STX8: variants seen among roughly 807,000 people sequenced by gnomAD.
STX8 encodes syntaxin 8.
STX8 carries 23 observed loss-of-function variants against 37.5 expected under a neutral mutation model. That is an observed-to-expected ratio of 0.61 (90% CI 0.44 to 0.87). The LOEUF (loss-of-function observed/expected upper bound fraction) is 0.87, where lower values mean the gene tolerates loss of function less well. STX8 is among the 40% of genes least tolerant of loss of function. The pLI, the probability that STX8 is intolerant of heterozygous loss-of-function variation, is 0.00. For missense variants in STX8, 313 were observed against 284.7 expected (o/e 1.10, Z -0.71); for synonymous variants, 115 against 99.1 (o/e 1.16, Z -0.95).
intron 6 of STX8, among the ~76,000 whole-genome samples, chr17:9,445,529 G>GAGGGGGGTGGGGGGGTGGGGA (rs3841595): frequency 7.1e-6 from 1 of 139,882 alleles, no homozygotes; most frequent in African/African-American, 2.6e-5. Context: ...GGGGGTGGGG[G>GAGGGGGGTGGGGGGGTGGGGA]TGAGGGCTCA....
intron 4 of STX8, among the ~76,000 whole-genome samples, chr17:9,525,146 G>A (rs1905511938): frequency 6.6e-6 from 1 of 152,002 alleles, no homozygotes; most frequent in Non-Finnish European, 1.5e-5. Flanking sequence ...CTTTCCCTCT[G>A]TGAGCAGGGC....
intron 7 of STX8, among the ~76,000 whole-genome samples, chr17:9,279,823 C>T (rs55927829): frequency 0.2 from 30,021 of 152,206 alleles, 3,166 homozygotes; most frequent in Middle Eastern, 0.27. Context: ...ATAATGAGAA[C>T]ACCTAACGTG....
At chr17:9,484,397 A>C (rs1567580716) in intron 6 of STX8, among the ~76,000 whole-genome samples, 1 of 151,954 alleles carries the variant, frequency 6.6e-6, no homozygotes, top group Non-Finnish European at 1.5e-5. Context: ...AAAAAAAAAA[A>C]AAAAAGTCAG....
chr17:9,304,076 C>G (rs1001783203), intron 7 of STX8, among the ~76,000 whole-genome samples: 1 of 151,972 alleles, frequency 6.6e-6, no homozygotes, highest in Non-Finnish European at 1.5e-5. Flanking sequence ...TATAAAAAGT[C>G]TCTCAACTTG....
chr17:9,556,786 TATATATATAC>T (rs1230214421), intron 3 of STX8: 667 of 19,698 alleles, frequency 0.034, 16 homozygotes, highest in Middle Eastern at 0.067. Context: ...TATATATATA[TATATATATAC>T]ACATACATAT....
At chr17:9,413,879 G>T (rs564651195) in intron 6 of STX8, among the ~76,000 whole-genome samples, 1 of 120,238 alleles carries the variant, frequency 8.3e-6, no homozygotes, top group East Asian at 2.7e-4. Context: ...TGCATCTATC[G>T]ATCCATCCAT....
intron 6 of STX8, among the ~76,000 whole-genome samples, chr17:9,450,570 G>A (rs549660922): frequency 5.9e-5 from 9 of 151,998 alleles, no homozygotes; most frequent in East Asian, 1.9e-4. Flanking sequence ...TAGTAGCTGC[G>A]AAGCATGCAG....
intron 6 of STX8, among the ~76,000 whole-genome samples, chr17:9,420,594 G>A (rs971939852): frequency 6.6e-6 from 1 of 152,096 alleles, no homozygotes; most frequent in South Asian, 2.1e-4. Flanking sequence ...CAGCCTTCAT[G>A]CTCATGCTTA....
At chr17:9,356,184 C>T (rs765639718) in intron 7 of STX8, among the ~76,000 whole-genome samples, 1 of 152,172 alleles carries the variant, frequency 6.6e-6, no homozygotes, top group African/African-American at 2.4e-5. Flanking sequence ...GTAGAAATAG[C>T]ATCGTTCCTT....
chr17:9,284,895 T>C (rs776769265), intron 7 of STX8, among the ~76,000 whole-genome samples: 8 of 152,192 alleles, frequency 5.3e-5, no homozygotes, highest in Non-Finnish European at 1.0e-4. Flanking sequence ...CTTAGTCTTA[T>C]GTTTTAATTA....
intron 6 of STX8, among the ~76,000 whole-genome samples, chr17:9,415,493 C>T (rs889385932): frequency 3.3e-5 from 5 of 152,008 alleles, no homozygotes; most frequent in African/African-American, 9.7e-5. Flanking sequence ...GGCTTTTCGG[C>T]GGGTGCGGTG....
intron 6 of STX8, among the ~76,000 whole-genome samples, chr17:9,406,454 A>G (rs1317240821): frequency 6.6e-6 from 1 of 152,240 alleles, no homozygotes; most frequent in Non-Finnish European, 1.5e-5. Flanking sequence ...TTGCCTCAAT[A>G]GCAACAGGAG....
chr17:9,509,983 A>G (rs2142507221), intron 4 of STX8, among the ~76,000 whole-genome samples: 1 of 152,194 alleles, frequency 6.6e-6, no homozygotes, highest in East Asian at 1.9e-4. Context: ...GAGTAGCTGT[A>G]CTTATATCAG....
At chr17:9,494,144 T>G (rs1279976627) in intron 5 of STX8, among the ~76,000 whole-genome samples, 5 of 151,598 alleles carry the variant, frequency 3.3e-5, no homozygotes, top group Non-Finnish European at 7.4e-5. Context: ...GCCTCCCGAG[T>G]AGCTGGGACT....
At chr17:9,448,481 GC>G (rs1204616910) in intron 6 of STX8, among the ~76,000 whole-genome samples, 2 of 152,148 alleles carry the variant, frequency 1.3e-5, no homozygotes, top group East Asian at 3.9e-4. Flanking sequence ...GTTTAAAATG[GC>G]CCCAAGTGTA....
At chr17:9,281,159 C>A (rs546649812) in intron 7 of STX8, among the ~76,000 whole-genome samples, 5 of 152,090 alleles carry the variant, frequency 3.3e-5, no homozygotes, top group African/African-American at 1.2e-4. Context: ...GGGGGCAGAA[C>A]TGGAACAGGA....
At chr17:9,567,468 C>T (rs1260685999) in intron 2 of STX8, among the ~76,000 whole-genome samples, 2 of 152,082 alleles carry the variant, frequency 1.3e-5, no homozygotes, top group Non-Finnish European at 2.9e-5. Context: ...TGAGTAAAAA[C>T]ATACTGATGC....
At chr17:9,359,639 C>G (rs937287439) in intron 7 of STX8, among the ~76,000 whole-genome samples, 1 of 151,370 alleles carries the variant, frequency 6.6e-6, no homozygotes, top group African/African-American at 2.4e-5. Context: ...TCCCAAATAG[C>G]TGGGACTACA....
At chr17:9,308,910 A>G (rs1909096439) in intron 7 of STX8, among the ~76,000 whole-genome samples, 2 of 152,110 alleles carry the variant, frequency 1.3e-5, no homozygotes, top group Non-Finnish European at 2.9e-5. Flanking sequence ...CATAATTGAC[A>G]TGGTGTTAAA....
Sources: allele counts gnomAD v4.1 joint callset (sites outside exome capture counted in the v4.1 genomes callset), GRCh38; gene constraint gnomAD v4.1.1; transcripts MANE v1.5; gene names NCBI Gene and HGNC (gene_info 2026-07-23, HGNC 2026-07-21).